Variants in NDST3 observed in about 807,000 individuals in gnomAD.
The protein encoded by NDST3 is bifunctional heparan sulfate N-deacetylase/N-sulfotransferase 3.
NDST3 carries 58 observed loss-of-function variants against 96.1 expected under a neutral mutation model. The ratio of observed to expected loss-of-function variants is 0.60; its 90% CI spans 0.49 to 0.75. The LOEUF (loss-of-function observed/expected upper bound fraction) is 0.75. Among genes scored for constraint, NDST3 ranks in the 30% least tolerant of loss-of-function variants. The pLI is 0.00. For synonymous variants in NDST3, 333 were observed against 359.7 expected (o/e 0.93, Z 0.84); for missense variants, 788 against 1,034.2 (o/e 0.76, Z 3.27).
At chr4:118,177,076 C>A (rs1220266425) in intron 6 of NDST3, among the ~76,000 whole-genome samples, 1 of 151,766 alleles carries the variant, frequency 6.6e-6, no homozygotes, top group Non-Finnish European at 1.5e-5. Context: ...GGTGATAGAA[C>A]CAAGAGTCAC....
chr4:118,161,305 T>G (rs1220674163), intron 6 of NDST3, among the ~76,000 whole-genome samples: 1 of 152,224 alleles, frequency 6.6e-6, no homozygotes, highest in Non-Finnish European at 1.5e-5. Context: ...CCAGTTAGGC[T>G]GCTCGGGGGT....
chr4:118,165,898 A>G (rs1735514623), intron 6 of NDST3, among the ~76,000 whole-genome samples: 1 of 152,008 alleles, frequency 6.6e-6, no homozygotes, highest in African/African-American at 2.4e-5. Flanking sequence ...AAACTTATGG[A>G]ATGCAACAAA....
chr4:118,066,135 AATATATT>A (rs1726328235), intron 2 of NDST3, among the ~76,000 whole-genome samples: 12 of 29,384 alleles, frequency 4.1e-4, no homozygotes, highest in South Asian at 2.1e-3. Context: ...TATATTATAT[AATATATT>A]TTATATATTA....
At chr4:118,164,761 A>T (rs1392284137) in intron 6 of NDST3, among the ~76,000 whole-genome samples, 2 of 152,216 alleles carry the variant, frequency 1.3e-5, no homozygotes, top group Non-Finnish European at 2.9e-5. Flanking sequence ...TATAAAAAAC[A>T]CTATAACTAT....
At chr4:118,135,109 C>T (rs180720023) in intron 4 of NDST3, among the ~76,000 whole-genome samples, 1 of 152,288 alleles carries the variant, frequency 6.6e-6, no homozygotes, top group South Asian at 2.1e-4. Context: ...CAGGTGTTCT[C>T]TCTGGTGATG....
intron 3 of NDST3, among the ~76,000 whole-genome samples, chr4:118,106,371 G>T (rs1730181992): frequency 6.6e-6 from 1 of 151,850 alleles, no homozygotes; most frequent in South Asian, 2.1e-4. Context: ...TTTGAGACAG[G>T]ATCTTGCTCT....
At chr4:118,201,524 C>A (rs1738085545) in intron 6 of NDST3, among the ~76,000 whole-genome samples, 1 of 152,134 alleles carries the variant, frequency 6.6e-6, no homozygotes, top group Non-Finnish European at 1.5e-5. Flanking sequence ...ATTTGCATTT[C>A]TCTGATGATT....
intron 2 of NDST3, among the ~76,000 whole-genome samples, chr4:118,074,118 A>G: frequency 6.6e-6 from 1 of 151,992 alleles, no homozygotes; most frequent in Admixed American, 6.6e-5. Flanking sequence ...TTCTATTTTT[A>G]TTGCCCTGTG....
intron 2 of NDST3, among the ~76,000 whole-genome samples, chr4:118,058,594 A>AGTGTGTGTGTGTGT (rs59628763): frequency 4.9e-5 from 4 of 80,952 alleles, no homozygotes; most frequent in African/African-American, 1.4e-4. Flanking sequence ...AGTCAGGAAA[A>AGTGTGTGTGTGTGT]GTGTGTGTGT....
intron 4 of NDST3, among the ~76,000 whole-genome samples, chr4:118,128,576 G>C (rs190922783): frequency 4.3e-4 from 65 of 152,016 alleles, no homozygotes; most frequent in African/African-American, 1.5e-3. Context: ...TGTATTGTTG[G>C]ATTTGCATTG....
At chr4:118,175,107 T>C (rs1275758834) in intron 6 of NDST3, among the ~76,000 whole-genome samples, 1 of 152,142 alleles carries the variant, frequency 6.6e-6, no homozygotes, top group Non-Finnish European at 1.5e-5. Flanking sequence ...CCCTCTGGTG[T>C]ACCTCATCAA....
At position 118,257,187 on chromosome 4, in the gene NDST3, G is replaced by A. The variant is rs764712128; in HGVS notation, c.*1475G>A. On this transcript the variant is annotated 3_prime_UTR_variant, in exon 14 of 14. Transcript: ENST00000296499. Reference sequence around the variant, plus strand: ...AGAGTCTCACTATGTCACCCAGGCTGGAGTGCAATGGTGTGATCTCAGCTC... The same window carrying A: ...AGAGTCTCACTATGTCACCCAGGCTAGAGTGCAATGGTGTGATCTCAGCTC... 1.3e-5 allele frequency: 2 copies of A among 151,712 alleles called. No individual in the cohort carries two copies. The highest frequency in any genetic ancestry group is 2.9e-5 in the Non-Finnish European group (2 of 67,978). 9.4% of individuals were successfully genotyped at this position (151,712 alleles called of 1,614,324 possible). A position where few individuals can be genotyped will look rare whatever the true frequency, so the allele number is the denominator to read the frequency against.
chr4:118,194,073 T>C (rs1203693624), intron 6 of NDST3: 3 of 1,448,338 alleles, frequency 2.1e-6, no homozygotes, highest in South Asian at 1.1e-5. Flanking sequence ...TTTGGTGGGA[T>C]TTGGAACTTT....
chr4:118,157,543 C>A (rs1734796460), intron 6 of NDST3, among the ~76,000 whole-genome samples: 1 of 151,768 alleles, frequency 6.6e-6, no homozygotes, highest in Non-Finnish European at 1.5e-5. Flanking sequence ...CTGCCTCAGC[C>A]TCCCGAGTAG....
intron 2 of NDST3, among the ~76,000 whole-genome samples, chr4:118,094,687 G>A (rs905141731): frequency 1.3e-5 from 2 of 151,718 alleles, no homozygotes; most frequent in African/African-American, 2.4e-5. Flanking sequence ...CATTCTTTCA[G>A]CAAGACTCTA....
intron 12 of NDST3, among the ~76,000 whole-genome samples, chr4:118,247,064 T>C (rs1201405005): frequency 1.3e-5 from 2 of 152,172 alleles, no homozygotes; most frequent in South Asian, 2.1e-4. Flanking sequence ...TCTAGGAATC[T>C]ACCCCAGAAT....
At chr4:118,071,614 T>C (rs1012467308) in intron 2 of NDST3, among the ~76,000 whole-genome samples, 2 of 152,104 alleles carry the variant, frequency 1.3e-5, no homozygotes, top group Non-Finnish European at 2.9e-5. Flanking sequence ...TTTTCATGGC[T>C]GCATGATATT....
In NDST3 at chr4:118,240,675, T is replaced by C; in HGVS notation, c.2270T>C (p.Val757Ala). The change falls in exon 11 of 14, where the codon GTT becomes GCT. Residue 757 changes from valine (V) to alanine (A), a missense_variant. Val to Ala is a moderately conservative substitution (Grantham distance 64). Transcript: ENST00000296499. Reference sequence around the variant, plus strand: ...GCCAGCCACATCGAGAGATGGCTTGTTTATTTCCCCCCATTTCAGGTATGG... The same window carrying C: ...GCCAGCCACATCGAGAGATGGCTTGCTTATTTCCCCCCATTTCAGGTATGG... ...WYASHIERWL[V>A]YFPPFQLLII... The C allele has an allele frequency of 1.2e-6, 2 of 1,613,512 alleles. No individual in the cohort carries two copies. The highest frequency in any genetic ancestry group is 1.3e-5 in the African/African-American group (1 of 75,036).
intron 6 of NDST3, among the ~76,000 whole-genome samples, chr4:118,204,261 C>T (rs1414266911): frequency 2.8e-5 from 3 of 107,762 alleles, no homozygotes; most frequent in Non-Finnish European, 4.1e-5. Flanking sequence ...AGCTCTAATT[C>T]GGATCCCACT....
Sources: gnomAD v4.1 joint callset for allele counts (sites outside exome capture counted in the v4.1 genomes callset) on GRCh38, gnomAD v4.1.1 for gene constraint, MANE v1.5 for transcripts, NCBI Gene and HGNC (gene_info 2026-07-23, HGNC 2026-07-21) for gene names.